Variants in ZNF716 observed in about 807,000 individuals in gnomAD.
ZNF716 encodes zinc finger protein 716.
ZNF716 carries 9 observed loss-of-function variants against 13.4 expected under a neutral mutation model. The ratio of observed to expected loss-of-function variants is 0.67; its 90% CI spans 0.41 to 1.18. The LOEUF is 1.18. Among genes scored for constraint, ZNF716 ranks in the 50% most tolerant of loss-of-function variants. ZNF716 has a pLI of 0.01. For missense variants in ZNF716, 581 were observed against 576.6 expected (o/e 1.01, Z -0.08); for synonymous variants, 186 against 195.2 (o/e 0.95, Z 0.39).
At chr7:57,457,853 T>C (rs1322691694) in intron 1 of ZNF716, among the ~76,000 whole-genome samples, 2 of 152,170 alleles carry the variant, frequency 1.3e-5, no homozygotes, top group Admixed American at 6.5e-5. Flanking sequence ...TTCTCTTATC[T>C]TTGTCCACAT....
At chr7:57,461,905 A>G (rs1789713088) in intron 1 of ZNF716, among the ~76,000 whole-genome samples, 2 of 152,152 alleles carry the variant, frequency 1.3e-5, no homozygotes, top group African/African-American at 4.8e-5. Flanking sequence ...CATGCCTGCA[A>G]TCCCAGTATT....
chr7:57,467,873 TTA>T (rs1248006575), intron 3 of ZNF716, among the ~76,000 whole-genome samples: 1 of 151,984 alleles, frequency 6.6e-6, no homozygotes, highest in Non-Finnish European at 1.5e-5. Context: ...ATGGATTATC[TTA>T]TATTTTTAAA....
chr7:57,456,933 A>G (rs1374679227), intron 1 of ZNF716, among the ~76,000 whole-genome samples: 3 of 152,046 alleles, frequency 2.0e-5, no homozygotes, highest in Non-Finnish European at 4.4e-5. Context: ...GGGACTAAAA[A>G]CTTAGAGAAA....
intron 1 of ZNF716, among the ~76,000 whole-genome samples, chr7:57,456,458 A>G (rs782161706): frequency 2.0e-5 from 3 of 152,088 alleles, no homozygotes; most frequent in Non-Finnish European, 4.4e-5. Context: ...TGAGCTCTGA[A>G]TTATGGTCTG....
chr7:57,452,836 G>T (rs1341239700), intron 1 of ZNF716, among the ~76,000 whole-genome samples: 1 of 152,058 alleles, frequency 6.6e-6, no homozygotes, highest in African/African-American at 2.4e-5. Flanking sequence ...ACTGCTTGGG[G>T]ATAAACCAAG....
chr7:57,454,825 C>A (rs1789558398), intron 1 of ZNF716, among the ~76,000 whole-genome samples: 1 of 151,982 alleles, frequency 6.6e-6, no homozygotes, highest in Non-Finnish European at 1.5e-5. Flanking sequence ...GAGATCGAGA[C>A]CATCCTAGCT....
At chr7:57,452,737 ATG>A (rs1789519382) in intron 1 of ZNF716, among the ~76,000 whole-genome samples, 3 of 152,086 alleles carry the variant, frequency 2.0e-5, no homozygotes, top group Admixed American at 6.5e-5. Context: ...AGACATCATA[ATG>A]TGTGGGTTGA....
intron 3 of ZNF716, among the ~76,000 whole-genome samples, chr7:57,463,769 G>A (rs1192123727): frequency 1.3e-5 from 2 of 151,862 alleles, no homozygotes; most frequent in African/African-American, 4.8e-5. Context: ...TTACTGTGTT[G>A]CATATTTTAG....
intron 1 of ZNF716, among the ~76,000 whole-genome samples, chr7:57,454,908 C>T (rs753604858): frequency 6.6e-6 from 1 of 151,948 alleles, no homozygotes. Flanking sequence ...CACCTATAGT[C>T]CCAGCTACTT....
chr7:57,457,378 T>C (rs1419334091), intron 1 of ZNF716, among the ~76,000 whole-genome samples: 1 of 152,214 alleles, frequency 6.6e-6, no homozygotes. Context: ...GAAGTCTTGC[T>C]CTGTCACCCA....
Position 57,473,062 on chromosome 7 carries a change from T to C in ZNF716, c.*3113T>C, listed in dbSNP as rs1789974352. The stretch of plus-strand genomic sequence containing the variant: ...ATTACTATTAACCACAGGGTCATTT[T>C]ATGATCATAAAAATTACATGAGTAT... On this transcript the variant is annotated 3_prime_UTR_variant, in exon 4 of 4. Transcript: ENST00000420713. The C allele has an allele frequency of 6.6e-6, 1 of 152,204 alleles. No individual in the cohort carries two copies. The highest frequency in any genetic ancestry group is 2.1e-4 in the South Asian group (1 of 4,824). The allele number at this position is 152,204 out of a possible 1,614,324, so 9.4% of individuals were successfully genotyped here. A position where few individuals can be genotyped will look rare whatever the true frequency, so the allele number is the denominator to read the frequency against.
In ZNF716 at chr7:57,467,913, GTTTC is replaced by G. The variant is rs1384923931; in HGVS notation, c.263-807_263-804del. 5.3e-5 allele frequency among the ~76,000 whole-genome samples: 8 copies of G among 151,814 alleles called. No individual in the cohort carries two copies. The East Asian group carries it at 9.7e-4, about 18-fold the overall frequency. Reference sequence around the variant, plus strand: ...TAATATATAAATCTTTAGCTTAATAGTTTCTTTTTCAAAATTTTTTATTTTTTTG... The same window carrying G: ...TAATATATAAATCTTTAGCTTAATAGTTTTTCAAAATTTTTTATTTTTTTG... On this transcript the variant is annotated intron_variant, in intron 3 of 3. Coordinates refer to ENST00000420713, the MANE Select transcript of ZNF716 (RefSeq NM_001159279.1).
At chr7:57,450,391 C>T in intron 1 of ZNF716, 64 bp downstream of exon 1, 7 of 1,613,206 alleles carry the variant, frequency 4.3e-6, no homozygotes, top group Non-Finnish European at 5.1e-6. Flanking sequence ...CTGAAAGTGG[C>T]TGTAGCAGGA....
In ZNF716 at chr7:57,473,023, A is replaced by G. The variant is rs1462402289; in HGVS notation, c.*3074A>G. On this transcript the variant is annotated 3_prime_UTR_variant, in exon 4 of 4. Coordinates refer to ENST00000420713, the MANE Select transcript of ZNF716 (RefSeq NM_001159279.1). The stretch of plus-strand genomic sequence containing the variant: ...CCATTATACAGTTTTAGTTATTTCA[A>G]TATGTGCAATTGAATTACTATTAAC... 48 of 152,120 alleles carry G rather than the reference A, an allele frequency of 3.2e-4. No homozygotes were observed. The highest frequency in any genetic ancestry group is 9.2e-4 in the Admixed American group (14 of 15,252). 9.4% of individuals were successfully genotyped at this position (152,120 alleles called of 1,614,324 possible). A position where few individuals can be genotyped will look rare whatever the true frequency, so the allele number is the denominator to read the frequency against.
chr7:57,458,849 T>A (rs1293987173), intron 1 of ZNF716, among the ~76,000 whole-genome samples: 2 of 152,228 alleles, frequency 1.3e-5, no homozygotes, highest in Non-Finnish European at 2.9e-5. Context: ...GATTTGCTCT[T>A]TTTGAATTCT....
rs117553144 is a variant in ZNF716 at position 57,461,854 on chromosome 7, T to C, written c.40-606T>C. 9.7e-3 allele frequency among the ~76,000 whole-genome samples: 1,477 copies of C among 152,224 alleles called. 10 individuals are homozygous for C. The highest frequency in any genetic ancestry group is 0.015 in the Non-Finnish European group (1,028 of 68,012). ...TAACTTATTCTGTATGACGTAAATA[T>C]AGCACTCAAAAATAGACATGTCCGA... On this transcript the variant is annotated intron_variant, in intron 1 of 3. Coordinates refer to ENST00000420713, the MANE Select transcript of ZNF716 (RefSeq NM_001159279.1).
At chr7:57,468,578 T>C (rs1199211629) in intron 3 of ZNF716, 146 bp from the exon 4 acceptor site, 3 of 813,316 alleles carry the variant, frequency 3.7e-6, no homozygotes, top group Non-Finnish European at 5.5e-6. Context: ...TTGTTACATT[T>C]ATACATCTAT....
At chr7:57,465,927 G>A (rs540409288) in intron 3 of ZNF716, among the ~76,000 whole-genome samples, 8 of 151,734 alleles carry the variant, frequency 5.3e-5, no homozygotes, top group Middle Eastern at 3.4e-3. Flanking sequence ...GTAAACTATC[G>A]CAAGAACAAA....
Position 57,468,711 on chromosome 7 carries a change from T to A in ZNF716, c.263-13T>A. The A allele has an allele frequency of 1.3e-6, 2 of 1,586,674 alleles. No individual in the cohort carries two copies. The highest frequency in any genetic ancestry group is 1.7e-6 in the Non-Finnish European group (2 of 1,172,324). ...TAGTAAGTGGAGAAACTTGTGATTT[T>A]TATGTCTTTCAGTTACATGTTCTCA... On this transcript the variant is annotated splice_polypyrimidine_tract_variant and intron_variant, in intron 3 of 3. Transcript: ENST00000420713.
Sources: allele counts gnomAD v4.1 joint callset (sites outside exome capture counted in the v4.1 genomes callset), GRCh38; gene constraint gnomAD v4.1.1; transcripts MANE v1.5; gene names NCBI Gene and HGNC (gene_info 2026-07-23, HGNC 2026-07-21).